DIPK1A: variants seen among roughly 807,000 people sequenced by gnomAD.
DIPK1A encodes the protein divergent protein kinase domain 1A.
In DIPK1A, 27 loss-of-function variants were observed where a neutral mutation model predicts 40.8. The observed-to-expected ratio is 0.66, with a 90% confidence interval of 0.49 to 0.91. The LOEUF is 0.91. DIPK1A is among the 40% of genes least tolerant of loss of function. The pLI, the probability that DIPK1A is intolerant of heterozygous loss-of-function variation, is 0.00. For missense variants in DIPK1A, 412 were observed against 505.7 expected (o/e 0.81, Z 1.78); for synonymous variants, 166 against 171.3 (o/e 0.97, Z 0.24).
intron 1 of DIPK1A, among the ~76,000 whole-genome samples, chr1:92,955,148 G>A (rs566944759): frequency 1.2e-4 from 19 of 152,256 alleles, no homozygotes; most frequent in African/African-American, 4.6e-4. Flanking sequence ...GCAAAACTAT[G>A]GAGACAATAA....
chr1:92,841,831 T>A, downstream of DIPK1A: 1 of 1,611,884 alleles, frequency 6.2e-7, no homozygotes, highest in Non-Finnish European at 8.5e-7. Context: ...AAGGCAAGCT[T>A]CCTCAGAGCT....
chr1:92,940,616 A>C (rs1022469558), intron 1 of DIPK1A, among the ~76,000 whole-genome samples: 2 of 152,192 alleles, frequency 1.3e-5, no homozygotes, highest in Non-Finnish European at 2.9e-5. Flanking sequence ...AAACTCTAGC[A>C]TTTTTGTTTG....
intron 2 of DIPK1A, among the ~76,000 whole-genome samples, chr1:92,867,147 T>C (rs560346240): frequency 6.6e-6 from 1 of 152,182 alleles, no homozygotes; most frequent in African/African-American, 2.4e-5. Flanking sequence ...CCTAAATAAT[T>C]TGCCCAACTT....
chr1:92,876,517 G>T, intron 1 of DIPK1A, 87 bp from the exon 2 acceptor site: 1 of 1,388,452 alleles, frequency 7.2e-7, no homozygotes, highest in Non-Finnish European at 9.9e-7. Context: ...ACCCTTCTTG[G>T]AACAACTCAA....
At chr1:92,953,136 T>C (rs1323829632) in intron 1 of DIPK1A, among the ~76,000 whole-genome samples, 3 of 151,600 alleles carry the variant, frequency 2.0e-5, no homozygotes, top group Non-Finnish European at 4.4e-5. Context: ...GATATACAAA[T>C]GGCCAAAAAG....
At chr1:92,939,922 A>G (rs915303128) in intron 1 of DIPK1A, among the ~76,000 whole-genome samples, 2 of 150,454 alleles carry the variant, frequency 1.3e-5, no homozygotes, top group African/African-American at 2.4e-5. Context: ...ACTGCACTCC[A>G]GCCTAGGCGA....
intron 1 of DIPK1A, among the ~76,000 whole-genome samples, chr1:92,883,244 C>T (rs534491320): frequency 5.3e-5 from 8 of 152,294 alleles, no homozygotes; most frequent in African/African-American, 1.7e-4. Context: ...CAGTATCTTA[C>T]AGAGCATATA....
intron 1 of DIPK1A, among the ~76,000 whole-genome samples, chr1:92,940,844 GT>G (rs1167579290): frequency 6.6e-6 from 1 of 152,128 alleles, no homozygotes; most frequent in African/African-American, 2.4e-5. Flanking sequence ...TCTCATCACG[GT>G]TTTAATGTGC....
intron 1 of DIPK1A, among the ~76,000 whole-genome samples, chr1:92,949,554 A>G (rs1431558102): frequency 3.9e-5 from 6 of 152,130 alleles, no homozygotes; most frequent in Non-Finnish European, 5.9e-5. Context: ...TAGGATTACA[A>G]GCATGAGCCA....
At chr1:92,839,847 CTT>C (rs539843617), downstream of DIPK1A, among the ~76,000 whole-genome samples, 2 of 146,680 alleles carry the variant, frequency 1.4e-5, no homozygotes, top group Non-Finnish European at 1.5e-5. Context: ...TGTTTTCTTA[CTT>C]TTTTTTTTTG....
intron 1 of DIPK1A, among the ~76,000 whole-genome samples, chr1:92,943,766 T>C (rs562206722): frequency 3.3e-5 from 5 of 152,280 alleles, no homozygotes; most frequent in African/African-American, 1.2e-4. Flanking sequence ...ATTCCGGTGA[T>C]AGGTCTAATG....
At chr1:92,957,184 G>A (rs1366592109) in intron 1 of DIPK1A, among the ~76,000 whole-genome samples, 1 of 152,160 alleles carries the variant, frequency 6.6e-6, no homozygotes, top group African/African-American at 2.4e-5. Flanking sequence ...CCTAAACAAA[G>A]TAGATCTTAG....
chr1:92,907,969 T>C (rs1008968959), intron 1 of DIPK1A, among the ~76,000 whole-genome samples: 4 of 152,306 alleles, frequency 2.6e-5, no homozygotes, highest in African/African-American at 9.6e-5. Flanking sequence ...CAGGTTCAAA[T>C]GATCCTCCCA....
At chr1:92,834,660 C>T in intron 4 of DIPK1A, 1 of 1,360,770 alleles carries the variant, frequency 7.3e-7, no homozygotes, top group East Asian at 2.3e-5. Flanking sequence ...GAGTCTTAAG[C>T]ATTTTAAGTG....
chr1:92,882,533 GCAGAGT>G (rs1479247298), intron 1 of DIPK1A, among the ~76,000 whole-genome samples: 1 of 152,148 alleles, frequency 6.6e-6, no homozygotes, highest in Non-Finnish European at 1.5e-5. Context: ...ACCCTATAAT[GCAGAGT>G]TTGATGTTGA....
chr1:92,872,686 G>A (rs967939990), intron 2 of DIPK1A, among the ~76,000 whole-genome samples: 2 of 152,142 alleles, frequency 1.3e-5, no homozygotes, highest in Non-Finnish European at 2.9e-5. Context: ...AACAAAATCA[G>A]GAGCTGTTTG....
chr1:92,905,953 G>C (rs11164834), intron 1 of DIPK1A, among the ~76,000 whole-genome samples: 3,751 of 152,112 alleles, frequency 0.025, 164 homozygotes, highest in African/African-American at 0.086. Context: ...ATTTATTTCT[G>C]GGTTCTCTAT....
At chr1:92,873,968 AT>A (rs2100771629) in intron 2 of DIPK1A, among the ~76,000 whole-genome samples, 1 of 152,276 alleles carries the variant, frequency 6.6e-6, no homozygotes, top group East Asian at 1.9e-4. Context: ...GCTTAGTACT[AT>A]TGACTTTAGT....
chr1:92,913,784 T>C (rs1448078501), intron 1 of DIPK1A, among the ~76,000 whole-genome samples: 5 of 152,232 alleles, frequency 3.3e-5, no homozygotes, highest in Non-Finnish European at 4.4e-5. Context: ...CTCTGATCTG[T>C]ATCTTTCTTT....
Sources: allele counts gnomAD v4.1 joint callset (sites outside exome capture counted in the v4.1 genomes callset), GRCh38; gene constraint gnomAD v4.1.1; transcripts MANE v1.5; gene names NCBI Gene and HGNC (gene_info 2026-07-23, HGNC 2026-07-21).